MPP7: variants seen among roughly 807,000 people sequenced by gnomAD.
MPP7 encodes MAGUK p55 subfamily member 7.
In MPP7, 60 loss-of-function variants were observed where a neutral mutation model predicts 76.5. That is an observed-to-expected ratio of 0.78 (90% CI 0.64 to 0.97). The LOEUF (loss-of-function observed/expected upper bound fraction) is 0.97, where lower values mean the gene tolerates loss of function less well. Ranked by LOEUF, MPP7 falls within the 50% of genes least tolerant of loss-of-function variation. The probability of loss-of-function intolerance (pLI) is 0.00; values close to 1 mark genes in which losing one functional copy is unlikely to be tolerated. For synonymous variants in MPP7, 237 were observed against 244.5 expected, an observed-to-expected ratio of 0.97 and a Z score of 0.29; for missense variants, 641 against 694.0, an observed-to-expected ratio of 0.92 and a Z score of 0.86.
At chr10:28,170,341 AT>A (rs1283594630) in intron 3 of MPP7, among the ~76,000 whole-genome samples, 1 of 150,930 alleles carries the variant, frequency 6.6e-6, no homozygotes, top group Non-Finnish European at 1.5e-5. Context: ...CTTTTTTTTA[AT>A]TTTTTTATAT....
chr10:28,261,606 C>T (rs942296600), intron 1 of MPP7, among the ~76,000 whole-genome samples: 2 of 152,184 alleles, frequency 1.3e-5, no homozygotes, highest in Non-Finnish European at 2.9e-5. Flanking sequence ...CCAGAGTACA[C>T]AGAGTGTGGA....
At chr10:28,101,062 AAT>A (rs570112017) in intron 11 of MPP7, among the ~76,000 whole-genome samples, 318 of 152,282 alleles carry the variant, frequency 2.1e-3, no homozygotes, top group African/African-American at 7.4e-3. Flanking sequence ...TTGAAATTTT[AAT>A]ATGTTTTCTC....
At chr10:28,105,971 C>T (rs1270584236) in intron 11 of MPP7, among the ~76,000 whole-genome samples, 2 of 152,158 alleles carry the variant, frequency 1.3e-5, no homozygotes, top group Non-Finnish European at 1.5e-5. Flanking sequence ...TGTCTGTGAG[C>T]CACCAGTTTG....
intron 1 of MPP7, among the ~76,000 whole-genome samples, chr10:28,255,439 C>T (rs1329016672): frequency 6.7e-6 from 1 of 148,384 alleles, no homozygotes; most frequent in Non-Finnish European, 1.5e-5. Context: ...TTTTCTGCAA[C>T]GGAGTCTCAC....
intron 1 of MPP7, among the ~76,000 whole-genome samples, chr10:28,241,760 A>C (rs746903198): frequency 6.6e-6 from 1 of 152,180 alleles, no homozygotes; most frequent in African/African-American, 2.4e-5. Flanking sequence ...GTGCACCTGA[A>C]GCATTTACAA....
chr10:28,066,674 T>C (rs971848045), intron 13 of MPP7, among the ~76,000 whole-genome samples: 3 of 152,196 alleles, frequency 2.0e-5, no homozygotes, highest in African/African-American at 7.2e-5. Context: ...CAGAATCACC[T>C]CTTGAGTTCC....
At chr10:28,197,893 T>C (rs1252876372) in intron 3 of MPP7, among the ~76,000 whole-genome samples, 16 of 152,196 alleles carry the variant, frequency 1.1e-4, no homozygotes, top group African/African-American at 3.1e-4. Context: ...TAAAAATATA[T>C]ACCTACTATG....
At chr10:28,172,125 G>A (rs561916487) in intron 3 of MPP7, among the ~76,000 whole-genome samples, 10 of 152,326 alleles carry the variant, frequency 6.6e-5, no homozygotes, top group African/African-American at 2.2e-4. Context: ...GAAGGACGAT[G>A]TCATGAACTT....
chr10:28,131,178 C>A (rs1835178573), intron 6 of MPP7, among the ~76,000 whole-genome samples: 1 of 152,074 alleles, frequency 6.6e-6, no homozygotes, highest in African/African-American at 2.4e-5. Context: ...TTTGTTGGAC[C>A]TGCTGTAAAT....
chr10:28,092,297 G>A (rs4749303), intron 11 of MPP7, among the ~76,000 whole-genome samples: 35,979 of 151,922 alleles, frequency 0.24, 5,103 homozygotes, highest in African/African-American at 0.39. Context: ...GAAGACAGTT[G>A]TTCTAAAGCT....
intron 3 of MPP7, among the ~76,000 whole-genome samples, chr10:28,155,215 A>G (rs1384268171): frequency 1.3e-5 from 2 of 152,214 alleles, no homozygotes; most frequent in Non-Finnish European, 2.9e-5. Context: ...ATTTGTTTGC[A>G]TGCATTTTCT....
At position 28,071,370 on chromosome 10, in the gene MPP7, T is replaced by C. The variant is rs1852231615; in HGVS notation, c.1124-1518A>G. On this transcript the variant is annotated intron_variant, in intron 12 of 16. Coordinates refer to ENST00000683449, the MANE Select transcript of MPP7 (RefSeq NM_001318170.2). ...GGGGACTGTGCTGTTCTTGCTCTAA[T>C]GCCATTTCTAGGTCCCTGACCCTTG... Among the ~76,000 whole-genome samples, 4 of 152,288 alleles carry C rather than the reference T, an allele frequency of 2.6e-5. No homozygotes were observed. The South Asian group carries it at 8.3e-4, about 32-fold the overall frequency.
At chr10:28,179,312 A>T (rs1836981858) in intron 3 of MPP7, among the ~76,000 whole-genome samples, 1 of 151,934 alleles carries the variant, frequency 6.6e-6, no homozygotes, top group Non-Finnish European at 1.5e-5. Flanking sequence ...AGCACCAAAA[A>T]CCTGTCCCTA....
intron 3 of MPP7, among the ~76,000 whole-genome samples, chr10:28,156,575 G>A (rs892703808): frequency 6.6e-6 from 1 of 152,130 alleles, no homozygotes; most frequent in Non-Finnish European, 1.5e-5. Flanking sequence ...AAGGGCTAAT[G>A]GAAGCCTGGA....
chr10:28,267,277 T>G (rs1589006399), intron 1 of MPP7, among the ~76,000 whole-genome samples: 1 of 152,220 alleles, frequency 6.6e-6, no homozygotes, highest in Non-Finnish European at 1.5e-5. Context: ...TCTGCATTAG[T>G]TGGATCCATT....
chr10:28,165,002 A>C (rs10826410), intron 3 of MPP7, among the ~76,000 whole-genome samples: 15,270 of 152,162 alleles, frequency 0.1, 1,337 homozygotes, highest in East Asian at 0.44. Context: ...GAATGGCTTA[A>C]CACAATAATG....
intron 3 of MPP7, among the ~76,000 whole-genome samples, chr10:28,159,923 A>G (rs1417504099): frequency 6.6e-6 from 1 of 152,222 alleles, no homozygotes; most frequent in African/African-American, 2.4e-5. Context: ...ACAACAACAA[A>G]AAGCCACACA....
At position 28,262,202 on chromosome 10, in the gene MPP7, TA is replaced by T. The variant is rs1839982018; in HGVS notation, c.-131-23468del. Among the ~76,000 whole-genome samples, 7 of 14,928 alleles carry T rather than the reference TA, an allele frequency of 4.7e-4. 2 individuals are homozygous for T. In the South Asian group the frequency reaches 0.016, roughly 35 times the overall value. The allele number at this position is 14,928 out of a possible 152,430, so 9.8% of individuals were successfully genotyped here. ...TAAATAAATTATATATATATATATA[TA>T]TATACATATATATATATATATACAT... On this transcript the variant is annotated intron_variant, in intron 1 of 16. Coordinates refer to ENST00000683449, the MANE Select transcript of MPP7 (RefSeq NM_001318170.2).
At chr10:28,097,252 G>T (rs967363206) in intron 11 of MPP7, among the ~76,000 whole-genome samples, 6 of 151,968 alleles carry the variant, frequency 3.9e-5, no homozygotes, top group African/African-American at 1.5e-4. Flanking sequence ...AAAGTACTAG[G>T]TTTACAGGCA....
Sources: allele counts gnomAD v4.1 joint callset (sites outside exome capture counted in the v4.1 genomes callset), GRCh38; gene constraint gnomAD v4.1.1; transcripts MANE v1.5; gene names NCBI Gene and HGNC (gene_info 2026-07-23, HGNC 2026-07-21).